PRMT5: variants seen among roughly 807,000 people sequenced by gnomAD.
PRMT5 encodes the protein protein arginine methyltransferase 5.
A neutral mutation model predicts 84.0 loss-of-function variants in PRMT5; 15 were observed. The ratio of observed to expected loss-of-function variants is 0.18; its 90% confidence interval spans 0.12 to 0.28. The LOEUF (loss-of-function observed/expected upper bound fraction) is 0.28, where lower values mean the gene tolerates loss of function less well. PRMT5 is among the 10% of genes least tolerant of loss of function. The probability of loss-of-function intolerance (pLI) is 1.00; values close to 1 mark genes in which losing one functional copy is unlikely to be tolerated. For missense variants in PRMT5, 486 were observed against 808.0 expected (o/e 0.60, Z 4.83); for synonymous variants, 276 against 292.4 (o/e 0.94, Z 0.57).
At chr14:22,925,163 TTTTAA>T (rs2044390026) in intron 7 of PRMT5, 123 bp from the exon 8 acceptor site, 158 of 1,096,004 alleles carry the variant, frequency 1.4e-4, no homozygotes, top group Middle Eastern at 3.0e-4. Context: ...TTTTTTTTTT[TTTTAA>T]AAAAAAAGAT....
intron 6 of PRMT5, 71 bp downstream of exon 6, chr14:22,926,435 A>G: frequency 6.3e-7 from 1 of 1,598,486 alleles, no homozygotes; most frequent in African/African-American, 1.3e-5. Flanking sequence ...TATACTATAT[A>G]TGAAATTCCT....
At chr14:22,925,195 G>T (rs960282804) in intron 7 of PRMT5, 155 bp from the exon 8 acceptor site, 1 of 883,264 alleles carries the variant, frequency 1.1e-6, no homozygotes, top group Non-Finnish European at 1.6e-6. Flanking sequence ...TCGCTCTATT[G>T]CCCAGGCTGG....
At chr14:22,929,099 G>A in intron 1 of PRMT5, 153 bp downstream of exon 1, 2 of 1,580,480 alleles carry the variant, frequency 1.3e-6, no homozygotes, top group Non-Finnish European at 1.7e-6. Flanking sequence ...TCACGTTACT[G>A]GGTCCGAGGC....
In PRMT5 at chr14:22,923,948, C is replaced by T. The variant is rs2044360215; in HGVS notation, c.1375+60G>A. On this transcript the variant is annotated intron_variant, in intron 12 of 16. Coordinates refer to ENST00000324366, the MANE Select transcript of PRMT5 (RefSeq NM_006109.5). This position sits in a 1 kb window ranked among gnomAD's most constrained non-coding sequence, Gnocchi z 5.2. Reference sequence around the variant, plus strand: ...CACTTTCCCCTAAACCCTGTACCCTCCTCCCAGGTTGCTGTCTCACCCATC... The same window carrying T: ...CACTTTCCCCTAAACCCTGTACCCTTCTCCCAGGTTGCTGTCTCACCCATC... The T allele has an allele frequency of 2.6e-6, 4 of 1,511,784 alleles. No homozygotes were observed. The highest frequency in any genetic ancestry group is 3.5e-6 in the Non-Finnish European group (4 of 1,131,860). 93.6% of individuals were successfully genotyped at this position (1,511,784 alleles called of 1,614,324 possible).
chr14:22,926,037 G>A, intron 7 of PRMT5, 96 bp downstream of exon 7: 1 of 1,329,050 alleles, frequency 7.5e-7, no homozygotes, highest in Non-Finnish European at 1.0e-6. Context: ...AGAAACCAAA[G>A]AAAAAGAGTC....
At chr14:22,922,045 T>G (rs1471088142) in intron 16 of PRMT5, 131 bp downstream of exon 16, 3 of 841,540 alleles carry the variant, frequency 3.6e-6, no homozygotes, top group Non-Finnish European at 5.9e-6. Flanking sequence ...CACCTACCAC[T>G]GGGATCCAAG....
rs771757729 is a variant in PRMT5, at chr14:22,927,544, A to G, written c.432T>C (p.Thr144=). 3 of 1,614,088 alleles carry G rather than the reference A, an allele frequency of 1.9e-6. No homozygotes were observed. In the East Asian group the frequency reaches 6.7e-5, roughly 36 times the overall value. The change falls in exon 4 of 17, where the codon ACT becomes ACC. Residue 144 remains threonine, a synonymous_variant. Coordinates refer to ENST00000324366, the MANE Select transcript of PRMT5 (RefSeq NM_006109.5). ...LARVLTNHIH[T]GHHSSMFWMR... ...GCTATACCATGGAAGAGTGATGGCCAGTGTGGATGTGGTTGGTCAAAACTC... is the reference window on the plus strand; with the variant it reads ...GCTATACCATGGAAGAGTGATGGCCGGTGTGGATGTGGTTGGTCAAAACTC...
chr14:22,928,745 G>A lies in PRMT5; in HGVS notation c.111-130C>T, dbSNP rs1229061986. Reference sequence around the variant, plus strand: ...CATCAGTTCAGCCTACTAGGCTGCTGAGTTCAGACCACCTTGGGGGATATC... The same window carrying A: ...CATCAGTTCAGCCTACTAGGCTGCTAAGTTCAGACCACCTTGGGGGATATC... On this transcript the variant is annotated intron_variant, in intron 1 of 16. Transcript: ENST00000324366. This position sits in a 1 kb window ranked among gnomAD's most constrained non-coding sequence, Gnocchi z 4.8. The A allele has an allele frequency of 9.0e-6, 7 of 777,374 alleles. No homozygotes were observed. Among genetic ancestry groups the A allele is most frequent in the African/African-American group, 1.7e-5 (1 of 59,046 alleles). The allele number at this position is 777,374 out of a possible 1,614,324, so 48.2% of individuals were successfully genotyped here.
intron 4 of PRMT5, 158 bp from the exon 5 acceptor site, chr14:22,926,972 A>C: frequency 1.7e-6 from 1 of 605,328 alleles, no homozygotes; most frequent in Non-Finnish European, 3.0e-6. Context: ...TTATATATAG[A>C]TCCTTATGTA....
intron 1 of PRMT5, chr14:22,929,007 C>A: frequency 1.1e-6 from 1 of 889,198 alleles, no homozygotes; most frequent in Non-Finnish European, 1.7e-6. Context: ...TAATCGCGAC[C>A]TCCAGGGCCC....
chr14:22,926,058 G>GA, intron 7 of PRMT5, 75 bp downstream of exon 7: 5 of 1,408,810 alleles, frequency 3.5e-6, no homozygotes, highest in South Asian at 1.4e-5. Context: ...AGCCTCACAG[G>GA]AAAAAACGAT....
chr14:22,927,800 C>G, intron 3 of PRMT5, 140 bp from the exon 4 acceptor site: 5 of 1,045,580 alleles, frequency 4.8e-6, no homozygotes, highest in Non-Finnish European at 6.8e-6. Flanking sequence ...CTTGACCTTC[C>G]CAAGCTCAAC....
At position 22,928,687 on chromosome 14, in the gene PRMT5, G is replaced by A. The variant is rs373953330; in HGVS notation, c.111-72C>T. ...CAGAGAGCCAAGCAACTGGATTTAG[G>A]CTATCTTGATTTTGCACAGCCCTTT... On this transcript the variant is annotated intron_variant, in intron 1 of 16. Coordinates refer to ENST00000324366, the MANE Select transcript of PRMT5 (RefSeq NM_006109.5). This position sits in a 1 kb window ranked among gnomAD's most constrained non-coding sequence, Gnocchi z 4.8. 1.6e-6 allele frequency: 2 copies of A among 1,259,474 alleles called. No homozygotes were observed. Among genetic ancestry groups the A allele is most frequent in the East Asian group, 2.3e-5 (1 of 43,236 alleles). The allele number at this position is 1,259,474 out of a possible 1,614,324, so 78.0% of individuals were successfully genotyped here.
At position 22,928,992 on chromosome 14, in the gene PRMT5, G is replaced by C; in HGVS notation, c.110+260C>G. ...CCCCTAACACCTCCTCCCACTCCCA[G>C]ACAATAATCGCGACCTCCAGGGCCC... is the stretch of plus-strand genomic sequence containing the variant. On this transcript the variant is annotated intron_variant, in intron 1 of 16. Coordinates refer to ENST00000324366, the MANE Select transcript of PRMT5 (RefSeq NM_006109.5). The surrounding 1 kb of genome is among the most constrained non-coding windows in gnomAD (Gnocchi z 4.8). 1.3e-6 allele frequency: 1 copy of C among 773,962 alleles called. No homozygotes were observed. The highest frequency in any genetic ancestry group is 2.0e-6 in the Non-Finnish European group (1 of 488,660). The allele number at this position is 773,962 out of a possible 1,614,324, so 47.9% of individuals were successfully genotyped here. A position where few individuals can be genotyped will look rare whatever the true frequency, so the allele number is the denominator to read the frequency against.
Position 22,928,093 on chromosome 14 carries a change from G to C in PRMT5, c.315+33C>G. ...CCACTCTCCCCACCCAGCTTGGTTA[G>C]AAAAATCCAGCAGAGAAGTCAAACA... is the stretch of plus-strand genomic sequence containing the variant. On this transcript the variant is annotated intron_variant, in intron 3 of 16. Coordinates refer to ENST00000324366, the MANE Select transcript of PRMT5 (RefSeq NM_006109.5). The surrounding 1 kb of genome is among the most constrained non-coding windows in gnomAD (Gnocchi z 4.8). 6.3e-7 allele frequency: 1 copy of C among 1,593,850 alleles called. No homozygotes were observed. Among genetic ancestry groups the C allele is most frequent in the Non-Finnish European group, 8.6e-7 (1 of 1,165,366 alleles).
intron 7 of PRMT5, 31 bp from the exon 8 acceptor site, chr14:22,925,071 C>T: frequency 6.2e-7 from 1 of 1,607,890 alleles, no homozygotes. Flanking sequence ...TCAGACACAG[C>T]CCTCAAACCA....
In PRMT5 at chr14:22,925,249, C is replaced by G. The variant is rs552539009; in HGVS notation, c.778-209G>C. Among the ~76,000 whole-genome samples the G allele has an allele frequency of 2.4e-4, 37 of 151,766 alleles. No homozygotes were observed. In the South Asian group the frequency reaches 7.5e-3, roughly 31 times the overall value. On this transcript the variant is annotated intron_variant, in intron 7 of 16. Transcript: ENST00000324366. ...TGGCTCACTTGCAACCTCCACCTCC[C>G]AGGTTCAAGCAATTCTCCTGCCTCA...
intron 16 of PRMT5, 99 bp downstream of exon 16, chr14:22,922,077 A>G: frequency 1.9e-6 from 2 of 1,072,446 alleles, no homozygotes; most frequent in Non-Finnish European, 2.9e-6. Flanking sequence ...TCAGGAGAAC[A>G]TGAGTCATAG....
intron 7 of PRMT5, among the ~76,000 whole-genome samples, chr14:22,925,546 G>A (rs916195065): frequency 4.6e-5 from 7 of 152,090 alleles, no homozygotes; most frequent in African/African-American, 1.4e-4. Flanking sequence ...TTGGCCGGGC[G>A]TGGTGGCCCA....
Sources: allele counts gnomAD v4.1 joint callset (sites outside exome capture counted in the v4.1 genomes callset), GRCh38; gene constraint gnomAD v4.1.1; non-coding constraint Gnocchi (gnomAD v3.1); transcripts MANE v1.5; gene names NCBI Gene and HGNC (gene_info 2026-07-23, HGNC 2026-07-21).